Variants in CCDC3 observed in about 807,000 individuals in gnomAD.
CCDC3 encodes the protein coiled-coil domain containing 3, also known as coiled-coil domain-containing protein 3.
In CCDC3, 24 loss-of-function variants were observed where a neutral mutation model predicts 21.4. That is an observed-to-expected ratio of 1.12 (90% CI 0.81 to 1.58). The LOEUF (loss-of-function observed/expected upper bound fraction) is 1.58. CCDC3 is among the 40% of genes most tolerant of loss of function. The pLI is 0.00. For missense variants in CCDC3, 425 were observed against 360.9 expected (o/e 1.18, Z -1.44); for synonymous variants, 186 against 166.0 (o/e 1.12, Z -0.93).
chr10:12,962,557 C>T (rs184092551), intron 2 of CCDC3, among the ~76,000 whole-genome samples: 3 of 152,254 alleles, frequency 2.0e-5, no homozygotes, highest in African/African-American at 4.8e-5. Context: ...AAGCCAAGAT[C>T]GCACCACTGC....
intron 2 of CCDC3, among the ~76,000 whole-genome samples, chr10:12,918,647 G>A (rs1314151326): frequency 6.6e-6 from 1 of 152,202 alleles, no homozygotes; most frequent in East Asian, 1.9e-4. Context: ...TAAGACCCAT[G>A]TGTAGGAGAA....
chr10:12,962,882 T>C (rs1835200994), intron 2 of CCDC3, among the ~76,000 whole-genome samples: 1 of 152,218 alleles, frequency 6.6e-6, no homozygotes, highest in Admixed American at 6.5e-5. Flanking sequence ...CCAATTTTCT[T>C]CTTTTCCTTC....
chr10:12,937,878 C>T (rs759762404), intron 2 of CCDC3, among the ~76,000 whole-genome samples: 15 of 152,192 alleles, frequency 9.9e-5, no homozygotes, highest in South Asian at 2.1e-4. Flanking sequence ...CATGGAAACT[C>T]GGAGGCAGTC....
At chr10:12,929,278 AAAAAG>A (rs1475647781) in intron 2 of CCDC3, among the ~76,000 whole-genome samples, 1 of 151,608 alleles carries the variant, frequency 6.6e-6, no homozygotes, top group Admixed American at 6.6e-5. Context: ...AAAAAAAAAA[AAAAAG>A]AACAGAATAG....
intron 2 of CCDC3, among the ~76,000 whole-genome samples, chr10:12,986,637 G>A (rs560203832): frequency 6.6e-5 from 10 of 152,160 alleles, no homozygotes; most frequent in East Asian, 3.9e-4. Context: ...AGCTGGGCGT[G>A]GTGGCGGACG....
At chr10:13,011,285 A>C (rs1214245559) in intron 5 of CCDC3, among the ~76,000 whole-genome samples, 8 of 152,106 alleles carry the variant, frequency 5.3e-5, no homozygotes, top group Non-Finnish European at 1.2e-4. Context: ...TATCTAGAAA[A>C]CCTCATAGTC....
intron 2 of CCDC3, among the ~76,000 whole-genome samples, chr10:12,986,800 A>T (rs1232699889): frequency 6.6e-6 from 1 of 151,862 alleles, no homozygotes; most frequent in Non-Finnish European, 1.5e-5. Flanking sequence ...AAACAAAAAC[A>T]AAAACAAAAA....
intron 2 of CCDC3, among the ~76,000 whole-genome samples, chr10:12,978,164 A>G (rs1474490463): frequency 6.6e-6 from 1 of 152,132 alleles, no homozygotes; most frequent in African/African-American, 2.4e-5. Context: ...GACTATAGGC[A>G]TGTGCCACCA....
chr10:13,022,577 T>A (rs963481378), intron 5 of CCDC3, among the ~76,000 whole-genome samples: 2 of 152,214 alleles, frequency 1.3e-5, no homozygotes, highest in Admixed American at 1.3e-4. Flanking sequence ...TGGCCATTTT[T>A]AATTTAAAGT....
At chr10:13,052,127 C>T (rs547304251) in intron 4 of CCDC3, among the ~76,000 whole-genome samples, 2 of 152,144 alleles carry the variant, frequency 1.3e-5, no homozygotes, top group South Asian at 2.1e-4. Context: ...GTGATCCCAG[C>T]GCTTTGAGAG....
intron 2 of CCDC3, among the ~76,000 whole-genome samples, chr10:12,950,907 A>T (rs1166356750): frequency 2.0e-5 from 3 of 152,154 alleles, no homozygotes. Context: ...AGTAATCATG[A>T]CAGGTCAGCC....
intron 1 of CCDC3, chr10:13,099,345 T>G (rs1415051649): frequency 6.6e-6 from 1 of 152,032 alleles, no homozygotes; most frequent in Non-Finnish European, 1.5e-5. Flanking sequence ...GTTGTTTTGT[T>G]TTTTTTCTCT....
rs1836783868 is a variant in CCDC3, at chr10:13,063,277, C to CCA, written c.-270+10590_-270+10591insTG. Among the ~76,000 whole-genome samples the CCA allele has an allele frequency of 1.6e-4, 8 of 48,940 alleles. 1 individual carries two copies. The highest frequency in any genetic ancestry group is 4.9e-4 in the African/African-American group (5 of 10,200). 32.1% of individuals were successfully genotyped at this position (48,940 alleles called of 152,430 possible). On this transcript the variant is annotated intron_variant, in intron 4 of 6. Transcript: ENST00000378839. The stretch of plus-strand genomic sequence containing the variant: ...CTGTCTAGGCAGTGGGCAAGTTGAA[C>CCA]CCCTTGGGTGGTTACAATATAAATA...
At chr10:13,017,832 G>A (rs1836090329) in intron 5 of CCDC3, among the ~76,000 whole-genome samples, 1 of 152,102 alleles carries the variant, frequency 6.6e-6, no homozygotes, top group South Asian at 2.1e-4. Context: ...GACTGATAAG[G>A]AAGGAAGAAA....
chr10:12,915,413 G>A (rs1236956560), intron 2 of CCDC3, among the ~76,000 whole-genome samples: 1 of 152,132 alleles, frequency 6.6e-6, no homozygotes, highest in Non-Finnish European at 1.5e-5. Flanking sequence ...ATTTTGCAGG[G>A]TGGGGTGGGG....
chr10:12,978,800 G>C (rs767919458), intron 2 of CCDC3, among the ~76,000 whole-genome samples: 8 of 152,138 alleles, frequency 5.3e-5, no homozygotes, highest in Admixed American at 2.0e-4. Flanking sequence ...AACTAATTTA[G>C]AAAGGACCTA....
intron 3 of CCDC3, among the ~76,000 whole-genome samples, chr10:13,081,907 G>T (rs906872208): frequency 6.6e-6 from 1 of 152,172 alleles, no homozygotes; most frequent in African/African-American, 2.4e-5. Flanking sequence ...ACAAGACATG[G>T]ACTTCCTGGT....
chr10:13,025,658 G>A (rs1442896184), intron 5 of CCDC3, among the ~76,000 whole-genome samples: 1 of 152,188 alleles, frequency 6.6e-6, no homozygotes, highest in Non-Finnish European at 1.5e-5. Context: ...ACTTTCAGTG[G>A]ATTCCAGTTG....
At chr10:12,907,665 T>C (rs1338757693) in intron 2 of CCDC3, among the ~76,000 whole-genome samples, 2 of 150,896 alleles carry the variant, frequency 1.3e-5, no homozygotes, top group African/African-American at 2.4e-5. Flanking sequence ...AAAAAGAAGA[T>C]TAGTTTTGAC....
Sources: gnomAD v4.1 joint callset for allele counts (sites outside exome capture counted in the v4.1 genomes callset) on GRCh38, gnomAD v4.1.1 for gene constraint, MANE v1.5 for transcripts, NCBI Gene and HGNC (gene_info 2026-07-23, HGNC 2026-07-21) for gene names.